CDC14B: variants seen among roughly 807,000 people sequenced by gnomAD.
CDC14B encodes cell division cycle 14B, also known as dual specificity protein phosphatase CDC14B.
Under a neutral mutation model 64.2 loss-of-function variants are expected in CDC14B, and 22 were observed. The ratio of observed to expected loss-of-function variants is 0.34; its 90% CI spans 0.24 to 0.49. The LOEUF (loss-of-function observed/expected upper bound fraction) is 0.49, where lower values mean the gene tolerates loss of function less well. Ranked by LOEUF, CDC14B falls within the 20% of genes least tolerant of loss-of-function variation. CDC14B has a pLI of 0.99. For missense variants in CDC14B, 498 were observed against 629.9 expected, an observed-to-expected ratio of 0.79 and a Z score of 2.24; for synonymous variants, 191 against 215.8, an observed-to-expected ratio of 0.89 and a Z score of 1.01.
At chr9:96,604,529 C>T (rs530925904) in intron 1 of CDC14B, among the ~76,000 whole-genome samples, 3 of 151,376 alleles carry the variant, frequency 2.0e-5, no homozygotes, top group Non-Finnish European at 2.9e-5. Context: ...TACAGGCATG[C>T]GCCACCACGC....
intron 1 of CDC14B, among the ~76,000 whole-genome samples, chr9:96,602,647 T>A (rs1290496527): frequency 1.3e-5 from 2 of 152,084 alleles, no homozygotes; most frequent in African/African-American, 4.8e-5. Flanking sequence ...CCTGCCCCCA[T>A]GATTCAATTA....
intron 1 of CDC14B, among the ~76,000 whole-genome samples, chr9:96,595,238 T>A (rs1209669824): frequency 6.6e-6 from 1 of 152,240 alleles, no homozygotes; most frequent in Non-Finnish European, 1.5e-5. Context: ...AGTATCAGAC[T>A]GTTTAAGTAA....
At chr9:96,533,805 C>T (rs1372781208) in intron 9 of CDC14B, 122 bp downstream of exon 9, 5 of 577,760 alleles carry the variant, frequency 8.7e-6, no homozygotes, top group South Asian at 3.3e-5. Flanking sequence ...AAAGGTTTCA[C>T]GGCACTCTAA....
intron 1 of CDC14B, among the ~76,000 whole-genome samples, chr9:96,572,322 G>A (rs1230967391): frequency 6.6e-6 from 1 of 152,220 alleles, no homozygotes; most frequent in Admixed American, 6.5e-5. Flanking sequence ...TCAGTCAGAA[G>A]TTGCTGAGGC....
At chr9:96,568,229 T>A (rs1363374998) in intron 1 of CDC14B, among the ~76,000 whole-genome samples, 3 of 152,214 alleles carry the variant, frequency 2.0e-5, no homozygotes, top group Admixed American at 6.5e-5. Context: ...TTAAAATACA[T>A]TTTTTAAACC....
At chr9:96,518,444 G>A (rs767572730) in intron 12 of CDC14B, among the ~76,000 whole-genome samples, 9 of 152,096 alleles carry the variant, frequency 5.9e-5, no homozygotes, top group Non-Finnish European at 1.2e-4. Flanking sequence ...GAACCCATAA[G>A]GTGGAGGTTG....
At chr9:96,513,679 A>G (rs1835221922) in intron 12 of CDC14B, among the ~76,000 whole-genome samples, 1 of 152,236 alleles carries the variant, frequency 6.6e-6, no homozygotes, top group South Asian at 2.1e-4. Flanking sequence ...CAAGAAAAAA[A>G]TCCATCAGGG....
At chr9:96,565,856 C>G (rs756896351) in intron 1 of CDC14B, among the ~76,000 whole-genome samples, 1 of 152,130 alleles carries the variant, frequency 6.6e-6, no homozygotes, top group African/African-American at 2.4e-5. Flanking sequence ...AATTTCACTA[C>G]GTTTTTCAAG....
At chr9:96,592,122 A>C (rs1845826875) in intron 1 of CDC14B, among the ~76,000 whole-genome samples, 1 of 152,172 alleles carries the variant, frequency 6.6e-6, no homozygotes, top group South Asian at 2.1e-4. Context: ...TCTTTTGCCC[A>C]GGCTGGAGTA....
intron 4 of CDC14B, among the ~76,000 whole-genome samples, chr9:96,555,492 T>C (rs562061302): frequency 3.3e-5 from 5 of 152,342 alleles, no homozygotes; most frequent in Non-Finnish European, 7.3e-5. Context: ...GCCTAACTCA[T>C]AGACATGGTC....
intron 1 of CDC14B, among the ~76,000 whole-genome samples, chr9:96,576,362 C>T (rs930744282): frequency 2.1e-5 from 3 of 145,926 alleles, no homozygotes; most frequent in African/African-American, 7.6e-5. Flanking sequence ...CAGGCAAGGT[C>T]GCTCATGCCT....
intron 1 of CDC14B, among the ~76,000 whole-genome samples, chr9:96,572,682 A>G (rs966997133): frequency 6.6e-6 from 1 of 152,242 alleles, no homozygotes; most frequent in Non-Finnish European, 1.5e-5. Flanking sequence ...AGATTACAGG[A>G]AAAAGTCACA....
At chr9:96,505,850 C>T (rs554170951) in intron 13 of CDC14B, among the ~76,000 whole-genome samples, 5 of 152,336 alleles carry the variant, frequency 3.3e-5, no homozygotes, top group Admixed American at 1.3e-4. Flanking sequence ...AATGGATACA[C>T]GAGGGGATAG....
intron 1 of CDC14B, among the ~76,000 whole-genome samples, chr9:96,568,186 T>A (rs1294353220): frequency 6.6e-6 from 1 of 152,208 alleles, no homozygotes; most frequent in Non-Finnish European, 1.5e-5. Context: ...CCTCCTAATC[T>A]TATTCTACAA....
chr9:96,530,982 A>G (rs1346039124), intron 9 of CDC14B, among the ~76,000 whole-genome samples: 2 of 152,194 alleles, frequency 1.3e-5, no homozygotes, highest in Non-Finnish European at 2.9e-5. Flanking sequence ...CCACTCTTGT[A>G]ATCATGGGAT....
At chr9:96,602,441 C>A (rs1227224439) in intron 1 of CDC14B, among the ~76,000 whole-genome samples, 1 of 152,140 alleles carries the variant, frequency 6.6e-6, no homozygotes, top group African/African-American at 2.4e-5. Flanking sequence ...ATAAGGACAT[C>A]CCCGAAACTG....
chr9:96,567,003 G>C, intron 1 of CDC14B: 1 of 1,410,008 alleles, frequency 7.1e-7, no homozygotes, highest in Non-Finnish European at 9.3e-7. Context: ...AAGTCCCCAA[G>C]TCCTGGAAAA....
intron 2 of CDC14B, 65 bp from the exon 3 acceptor site, chr9:96,564,917 T>C (rs1253568387): frequency 9.5e-7 from 1 of 1,054,666 alleles, no homozygotes; most frequent in African/African-American, 1.6e-5. Context: ...ATGCCTTTTT[T>C]GGGTCTACAA....
intron 5 of CDC14B, among the ~76,000 whole-genome samples, chr9:96,544,505 C>CT (rs1564296082): frequency 6.6e-6 from 1 of 151,958 alleles, no homozygotes; most frequent in Non-Finnish European, 1.5e-5. Flanking sequence ...GTCTTGTTTT[C>CT]TTTTTTTGAG....
Sources: allele counts gnomAD v4.1 joint callset (sites outside exome capture counted in the v4.1 genomes callset), GRCh38; gene constraint gnomAD v4.1.1; transcripts MANE v1.5; gene names NCBI Gene and HGNC (gene_info 2026-07-23, HGNC 2026-07-21).